XYLT1: variants seen among roughly 807,000 people sequenced by gnomAD.
XYLT1 encodes the protein beta-D-xylosyltransferase 1.
Under a neutral mutation model 91.3 loss-of-function variants are expected in XYLT1, and 36 were observed. The ratio of observed to expected loss-of-function variants is 0.39; its 90% CI spans 0.30 to 0.52. The LOEUF (loss-of-function observed/expected upper bound fraction) is 0.52, where lower values mean the gene tolerates loss of function less well. Among genes scored for constraint, XYLT1 ranks in the 20% least tolerant of loss-of-function variants. The pLI is 0.68. For synonymous variants in XYLT1, 588 were observed against 532.0 expected (o/e 1.11, Z -1.45); for missense variants, 1,242 against 1,284.5 (o/e 0.97, Z 0.51).
chr16:17,341,096 T>G (rs2141846987), intron 2 of XYLT1, among the ~76,000 whole-genome samples: 1 of 152,270 alleles, frequency 6.6e-6, no homozygotes, highest in Middle Eastern at 3.4e-3. Context: ...AATATAAAAT[T>G]TAAAATGCAC....
intron 5 of XYLT1, among the ~76,000 whole-genome samples, chr16:17,165,928 C>T (rs2031670117): frequency 6.6e-6 from 1 of 152,228 alleles, no homozygotes; most frequent in Non-Finnish European, 1.5e-5. Context: ...CGGAATGAGA[C>T]TTCTCTAAGA....
intron 7 of XYLT1, among the ~76,000 whole-genome samples, chr16:17,140,004 T>G (rs2030914611): frequency 6.6e-6 from 1 of 152,148 alleles, no homozygotes; most frequent in African/African-American, 2.4e-5. Flanking sequence ...AAGGGACCGT[T>G]CATGAGAAAT....
intron 1 of XYLT1, among the ~76,000 whole-genome samples, chr16:17,370,029 C>T (rs1292546113): frequency 3.3e-5 from 5 of 152,112 alleles, no homozygotes; most frequent in Non-Finnish European, 5.9e-5. Flanking sequence ...GAACATCCTG[C>T]GAGACCCTTA....
chr16:17,127,936 AG>A (rs2030322091), intron 9 of XYLT1, 75 bp from the exon 10 acceptor site: 4 of 1,451,466 alleles, frequency 2.8e-6, no homozygotes, highest in Non-Finnish European at 3.7e-6. Context: ...CCACCAAGCT[AG>A]TTTTGTTCCT....
At chr16:17,269,965 C>T (rs1596458624) in intron 2 of XYLT1, among the ~76,000 whole-genome samples, 1 of 152,264 alleles carries the variant, frequency 6.6e-6, no homozygotes, top group East Asian at 1.9e-4. Flanking sequence ...GCGTGTGCCA[C>T]AATGCCCAGC....
At chr16:17,278,076 C>G (rs558326508) in intron 2 of XYLT1, among the ~76,000 whole-genome samples, 69 of 152,294 alleles carry the variant, frequency 4.5e-4, no homozygotes, top group African/African-American at 1.6e-3. Context: ...CATGAGGCAT[C>G]TAGTTCGGGT....
At chr16:17,402,268 C>T (rs1259395109) in intron 1 of XYLT1, among the ~76,000 whole-genome samples, 1 of 151,798 alleles carries the variant, frequency 6.6e-6, no homozygotes, top group Non-Finnish European at 1.5e-5. Flanking sequence ...TGCAGTGAGC[C>T]GTCATTGCCC....
At chr16:17,180,581 T>A (rs1303913329) in intron 5 of XYLT1, among the ~76,000 whole-genome samples, 2 of 152,120 alleles carry the variant, frequency 1.3e-5, no homozygotes, top group African/African-American at 4.8e-5. Context: ...GTGATGGCTT[T>A]TAGGGGCACA....
chr16:17,105,405 T>C lies in XYLT1; in HGVS notation c.*3290A>G, dbSNP rs1446161101. On this transcript the variant is annotated 3_prime_UTR_variant, in exon 12 of 12. Coordinates refer to ENST00000261381, the MANE Select transcript of XYLT1 (RefSeq NM_022166.4). ...TGAGAAATGAAGCCGGAAGGACTCA[T>C]GATCTCACCAGGAAAGCCTTTTTTT... The C allele has an allele frequency of 6.6e-6, 1 of 152,354 alleles. No homozygotes were observed. Among genetic ancestry groups the C allele is most frequent in the Non-Finnish European group, 1.5e-5 (1 of 68,042 alleles). 9.4% of individuals were successfully genotyped at this position (152,354 alleles called of 1,614,324 possible).
chr16:17,373,096 C>T (rs150827123), intron 1 of XYLT1, among the ~76,000 whole-genome samples: 171 of 152,272 alleles, frequency 1.1e-3, no homozygotes, highest in African/African-American at 3.9e-3. Context: ...CCTGCTATCT[C>T]ATTAGCTGCC....
At chr16:17,133,289 G>A (rs776050829) in intron 9 of XYLT1, among the ~76,000 whole-genome samples, 1 of 151,650 alleles carries the variant, frequency 6.6e-6, no homozygotes, top group Admixed American at 6.6e-5. Context: ...CCCCGTCAGA[G>A]ACTGACGCTA....
chr16:17,397,569 C>A, intron 1 of XYLT1, among the ~76,000 whole-genome samples: 1 of 152,144 alleles, frequency 6.6e-6, no homozygotes, highest in East Asian at 1.9e-4. Flanking sequence ...TCTATGTCTA[C>A]AGCCTCTGCT....
intron 2 of XYLT1, among the ~76,000 whole-genome samples, chr16:17,323,819 G>C (rs2034761142): frequency 6.6e-6 from 1 of 152,162 alleles, no homozygotes; most frequent in South Asian, 2.1e-4. Flanking sequence ...GGTCTGATCA[G>C]ACTCTGCTCT....
intron 2 of XYLT1, among the ~76,000 whole-genome samples, chr16:17,309,299 A>G (rs1400354624): frequency 6.6e-6 from 1 of 152,196 alleles, no homozygotes; most frequent in African/African-American, 2.4e-5. Flanking sequence ...GTCTCTGGAC[A>G]TTGCCAAATG....
At chr16:17,350,756 A>G (rs567861121) in intron 2 of XYLT1, among the ~76,000 whole-genome samples, 1 of 151,210 alleles carries the variant, frequency 6.6e-6, no homozygotes, top group Non-Finnish European at 1.5e-5. Flanking sequence ...AAGCTTCCCG[A>G]TTACTCCAAA....
At chr16:17,132,219 G>T (rs1403424121) in intron 9 of XYLT1, among the ~76,000 whole-genome samples, 1 of 152,180 alleles carries the variant, frequency 6.6e-6, no homozygotes, top group Non-Finnish European at 1.5e-5. Context: ...TAGCAGTGGG[G>T]GGGAGAGAGA....
At chr16:17,139,778 G>T (rs1010184914) in intron 7 of XYLT1, among the ~76,000 whole-genome samples, 5 of 152,220 alleles carry the variant, frequency 3.3e-5, no homozygotes, top group African/African-American at 1.2e-4. Flanking sequence ...GAGAAGAGGT[G>T]ATTGATTTTT....
chr16:17,192,808 CTTTTTTTTTTTTTT>C (rs56262277), intron 5 of XYLT1: 2 of 123,252 alleles, frequency 1.6e-5, no homozygotes, highest in Non-Finnish European at 3.2e-5. Flanking sequence ...TTTTCCCACC[CTTTTTTTTTTTTTT>C]TTTTTTTTTA....
intron 2 of XYLT1, among the ~76,000 whole-genome samples, chr16:17,322,478 T>A (rs2034739178): frequency 6.6e-6 from 1 of 152,118 alleles, no homozygotes; most frequent in South Asian, 2.1e-4. Flanking sequence ...GAGATAGGGT[T>A]TTAACAAGGG....
Sources: allele counts gnomAD v4.1 joint callset (sites outside exome capture counted in the v4.1 genomes callset), GRCh38; gene constraint gnomAD v4.1.1; transcripts MANE v1.5; gene names NCBI Gene and HGNC (gene_info 2026-07-23, HGNC 2026-07-21).